The following DSCAM variants were observed in gnomAD, a reference collection of about 807,000 sequenced individuals.
DSCAM encodes cell adhesion molecule DSCAM.
DSCAM carries 47 observed loss-of-function variants against 217.7 expected under a neutral mutation model. That is an observed-to-expected ratio of 0.22 (90% CI 0.17 to 0.28). The LOEUF is 0.28. Among genes scored for constraint, DSCAM ranks in the 10% least tolerant of loss-of-function variants. The pLI is 1.00. For synonymous variants in DSCAM, 1,056 were observed against 1,015.3 expected (o/e 1.04, Z -0.76); for missense variants, 2,080 against 2,618.3 (o/e 0.79, Z 4.49).
chr21:40,743,596 C>T (rs1001173761), intron 1 of DSCAM, among the ~76,000 whole-genome samples: 17 of 151,992 alleles, frequency 1.1e-4, no homozygotes, highest in African/African-American at 4.1e-4. Flanking sequence ...AAGAAAAAAA[C>T]AATCAAATGT....
intron 11 of DSCAM, among the ~76,000 whole-genome samples, chr21:40,215,948 A>G (rs1819752205): frequency 6.6e-6 from 1 of 152,156 alleles, no homozygotes; most frequent in Non-Finnish European, 1.5e-5. Context: ...TTTAAAAAAA[A>G]AAAAAAACAA....
At chr21:40,279,518 C>G (rs1601512538) in intron 10 of DSCAM, among the ~76,000 whole-genome samples, 1 of 152,354 alleles carries the variant, frequency 6.6e-6, no homozygotes, top group African/African-American at 2.4e-5. Context: ...GGCTTTCACA[C>G]TGTTAGTGGG....
At chr21:40,562,225 C>A (rs984112271) in intron 3 of DSCAM, among the ~76,000 whole-genome samples, 1 of 152,100 alleles carries the variant, frequency 6.6e-6, no homozygotes, top group African/African-American at 2.4e-5. Flanking sequence ...AGTAGTTTCC[C>A]CCATGCGGTT....
At chr21:40,484,751 A>G (rs762508399) in intron 3 of DSCAM, among the ~76,000 whole-genome samples, 2 of 152,168 alleles carry the variant, frequency 1.3e-5, no homozygotes, top group Non-Finnish European at 2.9e-5. Flanking sequence ...TGCTGCTGAC[A>G]TAAGTCTGCT....
In DSCAM at chr21:40,012,494, G is replaced by A. The variant is rs1166248111; in HGVS notation, c.*540C>T. The A allele has an allele frequency of 6.6e-6, 1 of 152,184 alleles. No individual in the cohort carries two copies. The highest frequency in any genetic ancestry group is 1.9e-4 in the East Asian group (1 of 5,194). 9.4% of individuals were successfully genotyped at this position (152,184 alleles called of 1,614,324 possible). On this transcript the variant is annotated 3_prime_UTR_variant, in exon 33 of 33. Coordinates refer to ENST00000400454, the MANE Select transcript of DSCAM (RefSeq NM_001389.5). The stretch of plus-strand genomic sequence containing the variant: ...TCATTAAATTAAAAAAGAAACAAGA[G>A]AGAAAACCAAATTGATTCCCCCCAC...
intron 16 of DSCAM, among the ~76,000 whole-genome samples, chr21:40,152,104 C>A (rs777830939): frequency 6.9e-6 from 1 of 144,340 alleles, no homozygotes; most frequent in Non-Finnish European, 1.5e-5. Flanking sequence ...TCCTTTGAAA[C>A]GTAAGCATAT....
chr21:40,517,329 ACT>A lies in DSCAM; in HGVS notation c.509-148086_509-148085del, dbSNP rs200829858. Among the ~76,000 whole-genome samples the A allele has an allele frequency of 9.4e-3, 1,408 of 150,288 alleles. 29 individuals are homozygous for A. The highest frequency in any genetic ancestry group is 0.032 in the African/African-American group (1,294 of 40,804). ...GCAAATGTACATATTCACCTTATAT[ACT>A]CTCTCTGTATATACATATATATATA... is the stretch of plus-strand genomic sequence containing the variant. On this transcript the variant is annotated intron_variant, in intron 3 of 32. Coordinates refer to ENST00000400454, the MANE Select transcript of DSCAM (RefSeq NM_001389.5).
chr21:40,109,198 A>G (rs1337046809), intron 20 of DSCAM, among the ~76,000 whole-genome samples: 1 of 152,252 alleles, frequency 6.6e-6, no homozygotes, highest in Non-Finnish European at 1.5e-5. Flanking sequence ...AGAAATTATC[A>G]ACAGAGTAAA....
chr21:40,308,246 A>G (rs1162994873), intron 9 of DSCAM, among the ~76,000 whole-genome samples: 1 of 152,150 alleles, frequency 6.6e-6, no homozygotes, highest in Non-Finnish European at 1.5e-5. Context: ...TTGTTTATGC[A>G]CACAATTAAC....
chr21:40,137,632 CACACACACACACAT>C (rs1325464618), intron 18 of DSCAM, among the ~76,000 whole-genome samples: 6 of 139,736 alleles, frequency 4.3e-5, no homozygotes, highest in African/African-American at 1.1e-4. Context: ...CACACACACA[CACACACACACACAT>C]TAACTGAAGT....
In DSCAM at chr21:40,780,890, C is replaced by A. The variant is rs575947592; in HGVS notation, c.43+65729G>T. The stretch of plus-strand genomic sequence containing the variant: ...GACTAGTACTTGAATTGTTTATGTA[C>A]ACTAAATATGGTATAATACTAGAAT... On this transcript the variant is annotated intron_variant, in intron 1 of 32. Coordinates refer to ENST00000400454, the MANE Select transcript of DSCAM (RefSeq NM_001389.5). 2.3e-3 allele frequency among the ~76,000 whole-genome samples: 345 copies of A among 152,256 alleles called. 2 individuals are homozygous for A. Among genetic ancestry groups the A allele is most frequent in the African/African-American group, 7.9e-3 (329 of 41,544 alleles).
At chr21:40,833,629 T>G (rs1188009862) in intron 1 of DSCAM, among the ~76,000 whole-genome samples, 4 of 152,222 alleles carry the variant, frequency 2.6e-5, no homozygotes, top group Admixed American at 2.0e-4. Context: ...CTTCCCTTTC[T>G]TCATAAGAAA....
At chr21:40,017,904 G>A (rs1165139904) in intron 32 of DSCAM, among the ~76,000 whole-genome samples, 1 of 152,190 alleles carries the variant, frequency 6.6e-6, no homozygotes, top group Non-Finnish European at 1.5e-5. Flanking sequence ...TGTAAAAAGG[G>A]TTTTGGTAAC....
chr21:40,142,785 A>G (rs2090309126), intron 17 of DSCAM, 81 bp from the exon 18 acceptor site: 15 of 1,485,770 alleles, frequency 1.0e-5, no homozygotes, highest in Non-Finnish European at 1.4e-5. Context: ...ACGTATTTTA[A>G]TATTTCAATA....
chr21:40,381,482 A>C (rs1215531994), intron 3 of DSCAM, among the ~76,000 whole-genome samples: 2 of 152,220 alleles, frequency 1.3e-5, no homozygotes, highest in Non-Finnish European at 2.9e-5. Context: ...GTGCTGATTA[A>C]AAAGCAACAC....
chr21:40,079,463 C>T lies in DSCAM; in HGVS notation c.4421-486G>A, dbSNP rs2089420887. On this transcript the variant is annotated intron_variant, in intron 25 of 32. Coordinates refer to ENST00000400454, the MANE Select transcript of DSCAM (RefSeq NM_001389.5). The stretch of plus-strand genomic sequence containing the variant: ...TCCCCGATCATTTGACCTCTTACCA[C>T]TTGTTACCCAAAACTGTGGCACCAG... Among the ~76,000 whole-genome samples, 4 of 152,326 alleles carry T rather than the reference C, an allele frequency of 2.6e-5. No individual in the cohort carries two copies. The South Asian group carries it at 8.3e-4, about 32-fold the overall frequency.
At chr21:40,791,148 C>G (rs943314541) in intron 1 of DSCAM, among the ~76,000 whole-genome samples, 1 of 137,890 alleles carries the variant, frequency 7.3e-6, no homozygotes, top group African/African-American at 2.6e-5. Context: ...CAAAGCGAGA[C>G]TTCATCTCAA....
At chr21:40,149,195 A>G (rs1356049151) in intron 16 of DSCAM, among the ~76,000 whole-genome samples, 2 of 151,928 alleles carry the variant, frequency 1.3e-5, no homozygotes, top group Non-Finnish European at 2.9e-5. Flanking sequence ...CAACATTGCC[A>G]TCACCACAAC....
chr21:40,394,897 G>A (rs58693102), intron 3 of DSCAM, among the ~76,000 whole-genome samples: 5,023 of 152,196 alleles, frequency 0.033, 88 homozygotes, highest in Middle Eastern at 0.088. Flanking sequence ...ATGGCAGAGG[G>A]GTTTAAAACT....
Sources: allele counts gnomAD v4.1 joint callset (sites outside exome capture counted in the v4.1 genomes callset), GRCh38; gene constraint gnomAD v4.1.1; transcripts MANE v1.5; gene names NCBI Gene and HGNC (gene_info 2026-07-23, HGNC 2026-07-21).